Variants in PIK3CA observed in about 807,000 individuals in gnomAD.
PIK3CA encodes phosphatidylinositol 4,5-bisphosphate 3-kinase catalytic subunit alpha isoform.
PIK3CA carries 27 observed loss-of-function variants against 138.2 expected under a neutral mutation model. That is an observed-to-expected ratio of 0.20 (90% CI 0.14 to 0.27). The LOEUF is 0.27. PIK3CA is among the 10% of genes least tolerant of loss of function. The pLI, the probability that PIK3CA is intolerant of heterozygous loss-of-function variation, is 1.00. For missense variants in PIK3CA, 544 were observed against 1,277.4 expected (o/e 0.43, Z 8.75); for synonymous variants, 358 against 413.2 (o/e 0.87, Z 1.62).
At chr3:179,199,572 G>A in intron 2 of PIK3CA, 118 bp from the exon 3 acceptor site, 1 of 674,464 alleles carries the variant, frequency 1.5e-6, no homozygotes, top group Non-Finnish European at 2.4e-6. Flanking sequence ...TAACCTAGCG[G>A]TACTTTTTTT....
intron 1 of PIK3CA, among the ~76,000 whole-genome samples, chr3:179,182,835 T>C (rs1723883092): frequency 6.6e-6 from 1 of 152,198 alleles, no homozygotes; most frequent in Admixed American, 6.5e-5. Flanking sequence ...AAATAAATAG[T>C]AAATGCTTGA....
At chr3:179,214,769 T>A (rs552921159) in intron 9 of PIK3CA, among the ~76,000 whole-genome samples, 1 of 140,480 alleles carries the variant, frequency 7.1e-6, no homozygotes, top group African/African-American at 2.9e-5. Flanking sequence ...TGCACAAATA[T>A]ATTGTTAGTT....
intron 1 of PIK3CA, among the ~76,000 whole-genome samples, chr3:179,196,788 A>T (rs551181726): frequency 6.6e-6 from 1 of 152,240 alleles, no homozygotes; most frequent in South Asian, 2.1e-4. Context: ...TATGAGGTGG[A>T]GGTGGATTAT....
At chr3:179,154,589 A>C (rs1017412437) in intron 1 of PIK3CA, among the ~76,000 whole-genome samples, 1 of 149,024 alleles carries the variant, frequency 6.7e-6, no homozygotes, top group Admixed American at 6.6e-5. Flanking sequence ...TTGTATATGT[A>C]TATGGTGGGG....
chr3:179,203,506 C>G lies in PIK3CA; in HGVS notation c.814-38C>G, dbSNP rs200285254. The stretch of plus-strand genomic sequence containing the variant: ...GACATGTTACTTTTAAAATGAAAAA[C>G]CTTACAGGAAATGGCTCGCCCCCTT... On this transcript the variant is annotated intron_variant, in intron 4 of 20. Coordinates refer to ENST00000263967, the MANE Select transcript of PIK3CA (RefSeq NM_006218.4). 9 of 1,566,312 alleles carry G rather than the reference C, an allele frequency of 5.7e-6. No homozygotes were observed. The East Asian group carries it at 6.8e-5, about 12-fold the overall frequency.
intron 1 of PIK3CA, among the ~76,000 whole-genome samples, chr3:179,190,292 C>CTA (rs1420911811): frequency 1.3e-5 from 2 of 150,196 alleles, no homozygotes; most frequent in African/African-American, 2.4e-5. Context: ...AAAAAGTGCA[C>CTA]TATATATATA....
intron 9 of PIK3CA, among the ~76,000 whole-genome samples, chr3:179,210,778 A>G (rs1395424480): frequency 2.0e-5 from 3 of 152,222 alleles, no homozygotes; most frequent in Non-Finnish European, 2.9e-5. Context: ...TCATTTAACA[A>G]ATATTTATTG....
chr3:179,206,257 C>T (rs1724558638), intron 6 of PIK3CA, among the ~76,000 whole-genome samples: 1 of 151,978 alleles, frequency 6.6e-6, no homozygotes. Flanking sequence ...GGGGTTTCAC[C>T]ATGTTGGCCA....
intron 1 of PIK3CA, among the ~76,000 whole-genome samples, chr3:179,190,176 C>A (rs1047384762): frequency 6.6e-6 from 1 of 152,184 alleles, no homozygotes; most frequent in Non-Finnish European, 1.5e-5. Context: ...ACTATTTCTA[C>A]TGCTACCTCG....
chr3:179,156,772 A>G (rs1051781215), intron 1 of PIK3CA, among the ~76,000 whole-genome samples: 1 of 152,200 alleles, frequency 6.6e-6, no homozygotes, highest in African/African-American at 2.4e-5. Context: ...TCAACAAGCT[A>G]AGCATATTTC....
intron 1 of PIK3CA, among the ~76,000 whole-genome samples, chr3:179,179,961 G>A (rs1723800263): frequency 6.6e-6 from 1 of 152,048 alleles, no homozygotes; most frequent in South Asian, 2.1e-4. Flanking sequence ...AGATTATGGA[G>A]CATATTTACA....
At chr3:179,193,166 G>C (rs1244545186) in intron 1 of PIK3CA, among the ~76,000 whole-genome samples, 1 of 152,166 alleles carries the variant, frequency 6.6e-6, no homozygotes, top group East Asian at 1.9e-4. Flanking sequence ...AGAACCAAAA[G>C]ATTTTTAAGT....
intron 1 of PIK3CA, among the ~76,000 whole-genome samples, chr3:179,181,809 T>C (rs1285172176): frequency 6.6e-6 from 1 of 152,180 alleles, no homozygotes; most frequent in East Asian, 1.9e-4. Flanking sequence ...TATTCTAGTT[T>C]TATTTTAACC....
rs2108393233 is a variant in PIK3CA, at chr3:179,203,752, C to T, written c.1022C>T (p.Ala341Val). Residue 341 changes from alanine (A) to valine (V), a missense_variant, in exon 5 of 21, where the codon GCA (alanine) becomes GTA (valine). Physicochemically the swap from Ala to Val is moderately conservative, Grantham distance 64 (BLOSUM62 0). Coordinates refer to ENST00000263967, the MANE Select transcript of PIK3CA (RefSeq NM_006218.4). ...NSALRIKILC[A>V]TYVNVNIRDI... ...GCACTCAGAATAAAAATTCTTTGTG[C>T]AACCTACGTGAATGTAAATATTCGA... 6.2e-7 allele frequency: 1 copy of T among 1,611,112 alleles called. No individual in the cohort carries two copies. Among genetic ancestry groups the T allele is most frequent in the Non-Finnish European group, 8.5e-7 (1 of 1,178,412 alleles).
At chr3:179,177,650 A>G (rs1723732465) in intron 1 of PIK3CA, among the ~76,000 whole-genome samples, 1 of 152,158 alleles carries the variant, frequency 6.6e-6, no homozygotes, top group African/African-American at 2.4e-5. Flanking sequence ...CTAATTATAA[A>G]GTATAGTGGA....
intron 1 of PIK3CA, among the ~76,000 whole-genome samples, chr3:179,194,183 C>T (rs536004093): frequency 6.6e-6 from 1 of 152,254 alleles, no homozygotes; most frequent in Non-Finnish European, 1.5e-5. Context: ...ATTTTAAAAG[C>T]ATCATGTCAT....
Position 179,237,839 on chromosome 3 carries a change from T to A in PIK3CA, c.*3475T>A, listed in dbSNP as rs1292023372. 1.4e-5 allele frequency: 3 copies of A among 209,470 alleles called. No individual in the cohort carries two copies. The highest frequency in any genetic ancestry group is 2.9e-5 in the Non-Finnish European group (3 of 102,914). 13.0% of individuals were successfully genotyped at this position (209,470 alleles called of 1,614,324 possible). The stretch of plus-strand genomic sequence containing the variant: ...ATTTTAAAGCTAGCCTGTTAACTTT[T>A]TCTGAATATTTAAAGTTCCTCTTTT... On this transcript the variant is annotated 3_prime_UTR_variant, in exon 21 of 21. Coordinates refer to ENST00000263967, the MANE Select transcript of PIK3CA (RefSeq NM_006218.4).
chr3:179,220,425 C>T lies in PIK3CA; in HGVS notation c.2015+373C>T, dbSNP rs558136091. Among the ~76,000 whole-genome samples, 2 of 152,146 alleles carry T rather than the reference C, an allele frequency of 1.3e-5. No homozygotes were observed. Among genetic ancestry groups the T allele is most frequent in the South Asian group, 4.2e-4 (2 of 4,814 alleles). ...GAAATTCAGAACAATGTCAAACTCC[C>T]GTGGTTCTTACTGAAAAACAAGCTA... On this transcript the variant is annotated intron_variant, in intron 13 of 20. Coordinates refer to ENST00000263967, the MANE Select transcript of PIK3CA (RefSeq NM_006218.4). This position sits in a 1 kb window ranked among gnomAD's most constrained non-coding sequence, Gnocchi z 4.1.
In PIK3CA at chr3:179,218,265, A is replaced by G. The variant is rs1266238180; in HGVS notation, c.1595A>G (p.Lys532Arg). Residue 532 changes from lysine to arginine, a missense_variant, in exon 10 of 21, where the codon AAA (lysine) becomes AGA (arginine). Physicochemically the swap from Lys to Arg is conservative, Grantham distance 26. This residue lies in a region of PIK3CA where 52 missense variants were observed against 83.4 expected (regional missense o/e 0.62). Transcript: ENST00000263967. ...ELRENDKEQL[K>R]AISTRDPLSE... ...AGGGAAAATGACAAAGAACAGCTCAAAGCAATTTCTACACGAGATCCTCTC... is the reference window on the plus strand; with the variant it reads ...AGGGAAAATGACAAAGAACAGCTCAGAGCAATTTCTACACGAGATCCTCTC... 2.5e-6 allele frequency: 4 copies of G among 1,611,350 alleles called. No homozygotes were observed. The highest frequency in any genetic ancestry group is 3.4e-6 in the Non-Finnish European group (4 of 1,178,348).
Sources: allele counts gnomAD v4.1 joint callset (sites outside exome capture counted in the v4.1 genomes callset), GRCh38; gene constraint gnomAD v4.1.1; regional missense constraint gnomAD v4.1.1; non-coding constraint Gnocchi (gnomAD v3.1); transcripts MANE v1.5; gene names NCBI Gene and HGNC (gene_info 2026-07-23, HGNC 2026-07-21).